Variants in KDM4C observed in about 807,000 individuals in gnomAD.
The protein encoded by KDM4C is lysine-specific demethylase 4C.
Under a neutral mutation model 129.3 loss-of-function variants are expected in KDM4C, and 81 were observed. The ratio of observed to expected loss-of-function variants is 0.63; its 90% CI spans 0.52 to 0.75. The LOEUF is 0.75. KDM4C is among the 30% of genes least tolerant of loss of function. The probability of loss-of-function intolerance (pLI) is 0.00; values close to 1 mark genes in which losing one functional copy is unlikely to be tolerated. For synonymous variants in KDM4C, 573 were observed against 456.1 expected, an observed-to-expected ratio of 1.26 and a Z score of -3.26; for missense variants, 1,457 against 1,304.0, an observed-to-expected ratio of 1.12 and a Z score of -1.81.
chr9:6,857,404 G>A (rs1840056626), intron 5 of KDM4C, among the ~76,000 whole-genome samples: 2 of 152,208 alleles, frequency 1.3e-5, no homozygotes, highest in South Asian at 4.1e-4. Flanking sequence ...TTTGTAAGAA[G>A]AAGAGAATAC....
intron 6 of KDM4C, among the ~76,000 whole-genome samples, chr9:6,884,504 G>C (rs928862404): frequency 5.9e-5 from 9 of 151,918 alleles, no homozygotes; most frequent in Non-Finnish European, 1.2e-4. Flanking sequence ...TATTTTTCAA[G>C]CCTCATACCA....
At chr9:6,935,516 C>G (rs1465778860) in intron 8 of KDM4C, among the ~76,000 whole-genome samples, 2 of 151,544 alleles carry the variant, frequency 1.3e-5, no homozygotes, top group African/African-American at 2.4e-5. Context: ...CTCCCAAGTT[C>G]AAGAGATTCT....
At chr9:6,968,050 G>A (rs1422124623) in intron 8 of KDM4C, among the ~76,000 whole-genome samples, 2 of 152,182 alleles carry the variant, frequency 1.3e-5, no homozygotes, top group African/African-American at 2.4e-5. Flanking sequence ...TATGCACACA[G>A]TAAGTGGTAG....
intron 5 of KDM4C, among the ~76,000 whole-genome samples, chr9:6,858,340 ACACCAC>A (rs34599130): frequency 2.2e-4 from 33 of 151,850 alleles, no homozygotes; most frequent in Non-Finnish European, 4.0e-4. Flanking sequence ...TCTTTTAGTT[ACACCAC>A]CACCACCACC....
intron 3 of KDM4C, among the ~76,000 whole-genome samples, chr9:6,809,605 G>C (rs1342117268): frequency 1.3e-5 from 2 of 152,196 alleles, no homozygotes; most frequent in Non-Finnish European, 2.9e-5. Context: ...TTGTTCATAA[G>C]GAATGGGTAA....
At position 6,888,954 on chromosome 9, in the gene KDM4C, AT is replaced by A. The variant is rs1438163716; in HGVS notation, c.783+898del. Among the ~76,000 whole-genome samples the A allele has an allele frequency of 9.2e-5, 8 of 86,488 alleles. 2 individuals are homozygous for A. Among genetic ancestry groups the A allele is most frequent in the Admixed American group, 3.1e-4 (3 of 9,618 alleles). 56.7% of individuals were successfully genotyped at this position (86,488 alleles called of 152,430 possible). The stretch of plus-strand genomic sequence containing the variant: ...AGGCGCCCGCCACTACGCCCGGCTA[AT>A]TTTTTTGTATTTTTAGTAGAGACGG... On this transcript the variant is annotated intron_variant, in intron 7 of 21. Transcript: ENST00000381309.
intron 8 of KDM4C, among the ~76,000 whole-genome samples, chr9:6,906,606 T>A (rs1413737527): frequency 6.6e-6 from 1 of 152,238 alleles, no homozygotes; most frequent in Non-Finnish European, 1.5e-5. Flanking sequence ...CATGACTGGC[T>A]AATTTTTACA....
intron 5 of KDM4C, among the ~76,000 whole-genome samples, chr9:6,865,889 T>C (rs954469033): frequency 6.6e-6 from 1 of 152,166 alleles, no homozygotes; most frequent in African/African-American, 2.4e-5. Flanking sequence ...TAGCTGGGAC[T>C]ACAGGCGCCC....
intron 3 of KDM4C, among the ~76,000 whole-genome samples, chr9:6,811,300 C>T (rs1041586922): frequency 2.6e-5 from 4 of 152,226 alleles, no homozygotes; most frequent in East Asian, 1.9e-4. Flanking sequence ...ACCACAGGTG[C>T]GTGCCACCAT....
intron 1 of KDM4C, among the ~76,000 whole-genome samples, chr9:6,743,872 G>A (rs1817788786): frequency 6.6e-6 from 1 of 151,842 alleles, no homozygotes; most frequent in Admixed American, 6.6e-5. Context: ...TGGGGTGGGG[G>A]ACACCTGACA....
chr9:6,822,719 C>G (rs924101734), intron 4 of KDM4C, among the ~76,000 whole-genome samples: 9 of 151,892 alleles, frequency 5.9e-5, no homozygotes, highest in African/African-American at 1.9e-4. Context: ...CTTCGGGAAA[C>G]AAAACAAACA....
At chr9:6,796,395 A>T (rs1319752225) in intron 2 of KDM4C, among the ~76,000 whole-genome samples, 1 of 152,158 alleles carries the variant, frequency 6.6e-6, no homozygotes, top group African/African-American at 2.4e-5. Context: ...GAGGTTGGGG[A>T]TAACCATCTC....
chr9:7,122,281 T>A (rs551962685), intron 18 of KDM4C, among the ~76,000 whole-genome samples: 1 of 151,734 alleles, frequency 6.6e-6, no homozygotes, highest in Admixed American at 6.6e-5. Context: ...TCTCTCTCTC[T>A]CTCTTAAACA....
chr9:6,859,432 G>A (rs766203232), intron 5 of KDM4C, among the ~76,000 whole-genome samples: 15 of 128,382 alleles, frequency 1.2e-4, no homozygotes, highest in South Asian at 2.6e-4. Flanking sequence ...CTGATATCAC[G>A]CCACTGCACT....
intron 8 of KDM4C, among the ~76,000 whole-genome samples, chr9:6,914,963 C>G (rs1038032490): frequency 2.0e-5 from 3 of 152,198 alleles, no homozygotes; most frequent in African/African-American, 7.2e-5. Context: ...AAGACAGAGT[C>G]TTTTTGATTT....
chr9:7,135,122 A>G (rs954592343), intron 19 of KDM4C, among the ~76,000 whole-genome samples: 3 of 152,188 alleles, frequency 2.0e-5, no homozygotes, highest in African/African-American at 7.2e-5. Flanking sequence ...ACTGACCCCA[A>G]TTCTGTAGGC....
chr9:6,935,586 T>C lies in KDM4C; in HGVS notation c.921+42354T>C, dbSNP rs568734101. On this transcript the variant is annotated intron_variant, in intron 8 of 21. Coordinates refer to ENST00000381309, the MANE Select transcript of KDM4C (RefSeq NM_015061.6). ...GTGCGCGCCACCACGCCCGGCTAAT[T>C]TTTTTTTTTTTTGAGATGGATATTG... 3.3e-3 allele frequency among the ~76,000 whole-genome samples: 483 copies of C among 148,528 alleles called. 3 individuals are homozygous for C. Among genetic ancestry groups the C allele is most frequent in the African/African-American group, 0.011 (457 of 40,740 alleles).
At chr9:6,735,988 G>A (rs575312288) in intron 1 of KDM4C, among the ~76,000 whole-genome samples, 8 of 152,260 alleles carry the variant, frequency 5.3e-5, no homozygotes, top group East Asian at 3.9e-4. Context: ...AGATGGAAAC[G>A]CGGAACTTGC....
At chr9:6,905,143 A>C (rs1792889969) in intron 8 of KDM4C, among the ~76,000 whole-genome samples, 1 of 152,256 alleles carries the variant, frequency 6.6e-6, no homozygotes, top group Admixed American at 6.5e-5. Flanking sequence ...CTATATTAAA[A>C]AATTAAATGC....
Sources: allele counts gnomAD v4.1 joint callset (sites outside exome capture counted in the v4.1 genomes callset), GRCh38; gene constraint gnomAD v4.1.1; transcripts MANE v1.5; gene names NCBI Gene and HGNC (gene_info 2026-07-23, HGNC 2026-07-21).